Variants in FANCL observed in about 807,000 individuals in gnomAD.
FANCL encodes E3 ubiquitin-protein ligase FANCL.
FANCL carries 69 observed loss-of-function variants against 59.4 expected under a neutral mutation model. That is an observed-to-expected ratio of 1.16 (90% confidence interval 0.96 to 1.42). The LOEUF (loss-of-function observed/expected upper bound fraction) is 1.42. FANCL is among the 40% of genes most tolerant of loss of function. The pLI, the probability that FANCL is intolerant of heterozygous loss-of-function variation, is 0.00. For missense variants in FANCL, 519 were observed against 447.2 expected (o/e 1.16, Z -1.45); for synonymous variants, 180 against 147.1 (o/e 1.22, Z -1.62).
chr2:58,217,257 G>A (rs1479303816), intron 5 of FANCL, among the ~76,000 whole-genome samples: 4 of 97,144 alleles, frequency 4.1e-5, no homozygotes, highest in Non-Finnish European at 6.1e-5. Context: ...TATATGTTTG[G>A]CTAAAACAAG....
In FANCL at chr2:58,169,730, A is replaced by G. The variant is rs534307565; in HGVS notation, c.541-3856T>C. Among the ~76,000 whole-genome samples the G allele has an allele frequency of 2.0e-5, 3 of 152,162 alleles. No homozygotes were observed. The South Asian group carries it at 6.2e-4, about 32-fold the overall frequency. On this transcript the variant is annotated intron_variant, in intron 7 of 13. Coordinates refer to ENST00000233741, the MANE Select transcript of FANCL (RefSeq NM_018062.4). Reference sequence around the variant, plus strand: ...ATAAATGACCTGATGAAGCTGAAAAACACAGCACGAGAACTTTGTGAAGCA... The same window carrying G: ...ATAAATGACCTGATGAAGCTGAAAAGCACAGCACGAGAACTTTGTGAAGCA...
chr2:58,232,455 T>C (rs1693674767), intron 1 of FANCL, among the ~76,000 whole-genome samples: 1 of 151,818 alleles, frequency 6.6e-6, no homozygotes, highest in Non-Finnish European at 1.5e-5. Context: ...AGTAAATAAA[T>C]TTATGAAAAA....
intron 5 of FANCL, among the ~76,000 whole-genome samples, chr2:58,209,589 ACAGT>A (rs1007838678): frequency 3.3e-5 from 5 of 152,172 alleles, no homozygotes; most frequent in South Asian, 4.1e-4. Flanking sequence ...AGGCAGTCTG[ACAGT>A]CAGTTGAACT....
intron 7 of FANCL, among the ~76,000 whole-genome samples, chr2:58,177,688 G>A (rs1573589087): frequency 6.7e-6 from 1 of 149,986 alleles, no homozygotes; most frequent in African/African-American, 2.5e-5. Context: ...GCTAAATGAC[G>A]AGTTAACGGG....
chr2:58,227,939 AAGAG>A (rs1693191658), intron 3 of FANCL, among the ~76,000 whole-genome samples: 1 of 152,228 alleles, frequency 6.6e-6, no homozygotes, highest in African/African-American at 2.4e-5. Flanking sequence ...GAGAAAAAAA[AAGAG>A]AAAGAAGAGG....
rs568659825 is a variant in FANCL, at chr2:58,194,426, T to C, written c.540+4168A>G. On this transcript the variant is annotated intron_variant, in intron 7 of 13. Coordinates refer to ENST00000233741, the MANE Select transcript of FANCL (RefSeq NM_018062.4). ...TTAAGGATATATTTTGAAGCATTTG[T>C]GATGTTAGAAAGTAGAATAAAATTA... Among the ~76,000 whole-genome samples, 4 of 152,356 alleles carry C rather than the reference T, an allele frequency of 2.6e-5. 1 individual carries two copies. Among genetic ancestry groups the C allele is most frequent in the African/African-American group, 9.6e-5 (4 of 41,588 alleles).
At chr2:58,230,486 A>C (rs1289543969) in intron 2 of FANCL, among the ~76,000 whole-genome samples, 1 of 152,050 alleles carries the variant, frequency 6.6e-6, no homozygotes, top group African/African-American at 2.4e-5. Flanking sequence ...ACATACTTCT[A>C]ATTAATTGTA....
At chr2:58,160,048 C>G (rs554291694) in intron 13 of FANCL, 60 bp downstream of exon 13, 2 of 1,606,154 alleles carry the variant, frequency 1.2e-6, no homozygotes, top group Admixed American at 1.7e-5. Flanking sequence ...GATCTATCTT[C>G]TAGAACATAT....
At chr2:58,187,806 T>C (rs1473628520) in intron 7 of FANCL, among the ~76,000 whole-genome samples, 1 of 152,176 alleles carries the variant, frequency 6.6e-6, no homozygotes, top group Non-Finnish European at 1.5e-5. Context: ...TGAGTTTTAT[T>C]ATTGAACTTT....
intron 5 of FANCL, among the ~76,000 whole-genome samples, chr2:58,206,471 G>C (rs1488896300): frequency 6.6e-6 from 1 of 151,206 alleles, no homozygotes; most frequent in African/African-American, 2.4e-5. Context: ...TAAAGAGGGA[G>C]AGAGAAGGCA....
intron 5 of FANCL, among the ~76,000 whole-genome samples, chr2:58,220,263 G>GT (rs1449066807): frequency 1.3e-5 from 2 of 152,158 alleles, no homozygotes; most frequent in African/African-American, 4.8e-5. Flanking sequence ...AAACGGTAAG[G>GT]TAAAGAAGTA....
intron 5 of FANCL, among the ~76,000 whole-genome samples, chr2:58,210,390 T>A (rs894782173): frequency 6.6e-6 from 1 of 152,108 alleles, no homozygotes; most frequent in African/African-American, 2.4e-5. Flanking sequence ...ACTTATTCAT[T>A]ACCATGAGAA....
At chr2:58,162,744 G>A in intron 11 of FANCL, 122 bp downstream of exon 11, 2 of 861,314 alleles carry the variant, frequency 2.3e-6, no homozygotes, top group East Asian at 5.0e-5. Context: ...ATGCAGATCA[G>A]AAGTCTGTGT....
Position 58,192,939 on chromosome 2 carries a change from A to T in FANCL, c.540+5655T>A, listed in dbSNP as rs187210033. On this transcript the variant is annotated intron_variant, in intron 7 of 13. Transcript: ENST00000233741. The stretch of plus-strand genomic sequence containing the variant: ...ATATTTGATCAAAATAAAACATTTT[A>T]AAAAATCAATAGCTTGCCCACATCC... Among the ~76,000 whole-genome samples the T allele has an allele frequency of 1.1e-3, 163 of 152,140 alleles. 2 individuals are homozygous for T. The East Asian group carries it at 0.024, about 23-fold the overall frequency.
At chr2:58,217,803 A>T (rs1692001337) in intron 5 of FANCL, among the ~76,000 whole-genome samples, 1 of 152,028 alleles carries the variant, frequency 6.6e-6, no homozygotes, top group African/African-American at 2.4e-5. Context: ...AAAAAAAAAA[A>T]TAAATCATTA....
chr2:58,176,085 C>T (rs1217925231), intron 7 of FANCL, among the ~76,000 whole-genome samples: 1 of 151,298 alleles, frequency 6.6e-6, no homozygotes, highest in Non-Finnish European at 1.5e-5. Flanking sequence ...ATGTGAAGGA[C>T]CTCTTCAAGG....
intron 5 of FANCL, among the ~76,000 whole-genome samples, chr2:58,208,626 A>T (rs1261752472): frequency 1.3e-5 from 2 of 152,218 alleles, no homozygotes; most frequent in East Asian, 3.8e-4. Flanking sequence ...ATCAACAGGC[A>T]GACTGCTTCA....
intron 7 of FANCL, among the ~76,000 whole-genome samples, chr2:58,196,960 G>C (rs1689492397): frequency 6.6e-6 from 1 of 150,686 alleles, no homozygotes; most frequent in Non-Finnish European, 1.5e-5. Flanking sequence ...AAGGGACATG[G>C]GTCTCATGAA....
At chr2:58,164,466 G>T (rs1442481062) in intron 8 of FANCL, among the ~76,000 whole-genome samples, 1 of 151,916 alleles carries the variant, frequency 6.6e-6, no homozygotes, top group African/African-American at 2.4e-5. Flanking sequence ...TTTCTTATTA[G>T]CCCTCAACAC....
Sources: allele counts gnomAD v4.1 joint callset (sites outside exome capture counted in the v4.1 genomes callset), GRCh38; gene constraint gnomAD v4.1.1; transcripts MANE v1.5; gene names NCBI Gene and HGNC (gene_info 2026-07-23, HGNC 2026-07-21).